C17orf67: variants seen among roughly 807,000 people sequenced by gnomAD.
The protein encoded by C17orf67 is uncharacterized protein C17orf67.
Under a neutral mutation model 11.2 loss-of-function variants are expected in C17orf67, and 12 were observed. That is an observed-to-expected ratio of 1.07 (90% confidence interval 0.68 to 1.73). The LOEUF is 1.73. C17orf67 is among the 40% of genes most tolerant of loss of function. C17orf67 has a pLI of 0.00. For missense variants in C17orf67, 115 were observed against 113.5 expected, an observed-to-expected ratio of 1.01 and a Z score of -0.06; for synonymous variants, 59 against 46.9, an observed-to-expected ratio of 1.26 and a Z score of -1.05.
chr17:56,799,237 C>T (rs1485443382), intron 6 of C17orf67, among the ~76,000 whole-genome samples: 1 of 152,204 alleles, frequency 6.6e-6, no homozygotes. Context: ...GCTCTGCCTG[C>T]TCATCTGCCT....
At chr17:56,825,399 A>G (rs192627957) in intron 2 of C17orf67, 78 bp from the exon 3 acceptor site, 21 of 152,328 alleles carry the variant, frequency 1.4e-4, no homozygotes, top group African/African-American at 5.1e-4. Flanking sequence ...CACAAATATT[A>G]TTATTACTTT....
chr17:56,832,024 T>C (rs1285616471), intron 2 of C17orf67, among the ~76,000 whole-genome samples: 10 of 152,202 alleles, frequency 6.6e-5, no homozygotes, highest in Non-Finnish European at 1.3e-4. Flanking sequence ...CTCAGCTCAC[T>C]GCAACCTCCG....
intron 4 of C17orf67, among the ~76,000 whole-genome samples, chr17:56,816,224 C>T (rs1477635227): frequency 6.6e-6 from 1 of 152,166 alleles, no homozygotes; most frequent in Non-Finnish European, 1.5e-5. Context: ...AAAGCCCATT[C>T]ACCAGTCTAA....
chr17:56,804,725 A>C (rs1905404911), intron 6 of C17orf67, among the ~76,000 whole-genome samples: 1 of 152,380 alleles, frequency 6.6e-6, no homozygotes, highest in East Asian at 1.9e-4. Context: ...AGGTTTCACA[A>C]GCACTTACAA....
chr17:56,792,070 T>C lies in C17orf67; in HGVS notation c.*303A>G, dbSNP rs1312562630. ...CCTGCCCCAACTCCTGGTCTGGGAG[T>C]TCCAGCTCCATCAACCCCAGGTAAG... On this transcript the variant is annotated 3_prime_UTR_variant, in exon 8 of 8. Transcript: ENST00000397861. The C allele has an allele frequency of 6.6e-6, 1 of 152,092 alleles. No homozygotes were observed. The highest frequency in any genetic ancestry group is 1.5e-5 in the Non-Finnish European group (1 of 68,032). 9.4% of individuals were successfully genotyped at this position (152,092 alleles called of 1,614,324 possible).
At chr17:56,818,303 G>A (rs1905812012) in intron 4 of C17orf67, among the ~76,000 whole-genome samples, 1 of 151,994 alleles carries the variant, frequency 6.6e-6, no homozygotes. Flanking sequence ...ATCTTCTGTG[G>A]GCCAGAAACA....
intron 6 of C17orf67, among the ~76,000 whole-genome samples, chr17:56,813,943 G>A (rs563099272): frequency 2.0e-5 from 3 of 152,158 alleles, no homozygotes; most frequent in South Asian, 4.2e-4. Flanking sequence ...TAGTAAACAG[G>A]GAGATTCAAA....
chr17:56,810,358 CCCCTCACACAT>C (rs368315306), intron 6 of C17orf67, among the ~76,000 whole-genome samples: 120 of 148,586 alleles, frequency 8.1e-4, no homozygotes, highest in African/African-American at 2.8e-3. Context: ...CACACACACA[CCCCTCACACAT>C]CCCTCACACA....
At chr17:56,795,385 T>C (rs1292623494) in intron 6 of C17orf67, 1 of 569,212 alleles carries the variant, frequency 1.8e-6, no homozygotes, top group African/African-American at 1.9e-5. Flanking sequence ...AGTCTGACAA[T>C]ACTAAGTGCT....
chr17:56,795,163 C>G lies in C17orf67; in HGVS notation c.174G>C (p.Leu58=), dbSNP rs749178078. 11 of 1,614,102 alleles carry G rather than the reference C, an allele frequency of 6.8e-6. No homozygotes were observed. Among genetic ancestry groups the G allele is most frequent in the Non-Finnish European group, 8.5e-6 (10 of 1,180,016 alleles). ...DEPMREYMHH[L]LALEHRAEEQ... ...CCTCAGCGCGATGCTCCAGGGCGAG[C>G]AGGTGGTGCATGTATTCCTGTCAAA... The change falls in exon 7 of 8, where the codon CTG becomes CTC. Residue 58 remains leucine (L), a synonymous_variant. Transcript: ENST00000397861.
At chr17:56,814,640 G>A (rs1047536823) in intron 6 of C17orf67, among the ~76,000 whole-genome samples, 9 of 152,160 alleles carry the variant, frequency 5.9e-5, no homozygotes, top group African/African-American at 1.9e-4. Context: ...CCCACCATTG[G>A]CCTCATTATT....
intron 6 of C17orf67, among the ~76,000 whole-genome samples, chr17:56,802,473 G>A (rs748942215): frequency 5.3e-5 from 8 of 152,174 alleles, no homozygotes; most frequent in South Asian, 2.1e-4. Flanking sequence ...TCCGGGAACC[G>A]TCTGCCTCCC....
chr17:56,827,977 C>T (rs913380900), intron 2 of C17orf67, among the ~76,000 whole-genome samples: 4 of 151,636 alleles, frequency 2.6e-5, no homozygotes, highest in African/African-American at 9.7e-5. Context: ...GAGGCCAAGG[C>T]AGGCGGATCG....
intron 6 of C17orf67, chr17:56,804,251 C>T (rs1905393122): frequency 1.3e-5 from 2 of 152,124 alleles, no homozygotes; most frequent in African/African-American, 4.8e-5. Context: ...AAATACCCAC[C>T]AGAACTTGAC....
chr17:56,824,552 C>T (rs1342576177), intron 4 of C17orf67, among the ~76,000 whole-genome samples, 187 bp downstream of exon 4: 1 of 152,218 alleles, frequency 6.6e-6, no homozygotes, highest in Non-Finnish European at 1.5e-5. Flanking sequence ...AGCTGAGCTG[C>T]AAAGATTAAA....
chr17:56,832,326 G>T (rs1906230677), intron 2 of C17orf67, among the ~76,000 whole-genome samples: 1 of 152,174 alleles, frequency 6.6e-6, no homozygotes, highest in Non-Finnish European at 1.5e-5. Flanking sequence ...TGGGAAAGCT[G>T]CCAAAAGAAC....
intron 6 of C17orf67, among the ~76,000 whole-genome samples, chr17:56,810,259 CCA>C (rs200763999): frequency 0.023 from 3,404 of 146,832 alleles, 152 homozygotes; most frequent in African/African-American, 0.082. Flanking sequence ...CATCGCTCTC[CCA>C]CACTCCTCAT....
Position 56,815,869 on chromosome 17 carries a change from T to C in C17orf67, c.-59A>G. On this transcript the variant is annotated 5_prime_UTR_variant, in exon 5 of 8. Coordinates refer to ENST00000397861, the MANE Select transcript of C17orf67 (RefSeq NM_001085430.4). ...ATCCTCCCAGACTGAGTCAGCCAAC[T>C]TGAAGGAAGCCATGCCAGGCCCTGC... 1 of 1,610,950 alleles carries C rather than the reference T, an allele frequency of 6.2e-7. No individual in the cohort carries two copies. Among genetic ancestry groups the C allele is most frequent in the South Asian group, 1.1e-5 (1 of 90,998 alleles).
At chr17:56,821,727 G>A (rs1333802728) in intron 4 of C17orf67, among the ~76,000 whole-genome samples, 1 of 152,230 alleles carries the variant, frequency 6.6e-6, no homozygotes, top group African/African-American at 2.4e-5. Flanking sequence ...CTGGGCAGGT[G>A]TGGTAGGTTG....
Sources: allele counts gnomAD v4.1 joint callset (sites outside exome capture counted in the v4.1 genomes callset), GRCh38; gene constraint gnomAD v4.1.1; transcripts MANE v1.5; gene names NCBI Gene and HGNC (gene_info 2026-07-23, HGNC 2026-07-21).